The following ZW10 variants were observed in gnomAD, a reference collection of about 807,000 sequenced individuals.
ZW10 encodes the protein centromere/kinetochore protein zw10 homolog.
In ZW10, 53 loss-of-function variants were observed where a neutral mutation model predicts 87.8. The ratio of observed to expected loss-of-function variants is 0.60; its 90% CI spans 0.48 to 0.76. ZW10 has a LOEUF of 0.76. Among genes scored for constraint, ZW10 ranks in the 30% least tolerant of loss-of-function variants. ZW10 has a pLI of 0.00. For missense variants in ZW10, 837 were observed against 923.0 expected (o/e 0.91, Z 1.21); for synonymous variants, 312 against 329.2 (o/e 0.95, Z 0.57).
chr11:113,765,418 T>A (rs1251950481), intron 2 of ZW10, among the ~76,000 whole-genome samples: 1 of 152,222 alleles, frequency 6.6e-6, no homozygotes, highest in Admixed American at 6.5e-5. Context: ...CAATGGAATG[T>A]AAACAGAAGT....
At chr11:113,758,773 G>C in intron 5 of ZW10, 67 bp from the exon 6 acceptor site, 1 of 1,489,700 alleles carries the variant, frequency 6.7e-7, no homozygotes, top group Non-Finnish European at 9.3e-7. Context: ...CTATTCCTCA[G>C]AGCTCATTCT....
At chr11:113,744,531 A>C (rs1456543821) in intron 9 of ZW10, among the ~76,000 whole-genome samples, 1 of 152,220 alleles carries the variant, frequency 6.6e-6, no homozygotes, top group South Asian at 2.1e-4. Flanking sequence ...GCTGAATCCT[A>C]GATGAAAGCA....
intron 1 of ZW10, among the ~76,000 whole-genome samples, chr11:113,770,170 C>A (rs1591425483): frequency 6.9e-6 from 1 of 145,970 alleles, no homozygotes; most frequent in East Asian, 2.0e-4. Flanking sequence ...CTCACTGCAA[C>A]CTCCACCTCC....
intron 4 of ZW10, 46 bp downstream of exon 4, chr11:113,760,467 C>G: frequency 1.2e-6 from 2 of 1,604,184 alleles, no homozygotes; most frequent in Non-Finnish European, 1.7e-6. Flanking sequence ...TTACTGAAAA[C>G]AAGAAGAGCA....
chr11:113,747,592 C>T lies in ZW10; in HGVS notation c.1211G>A (p.Cys404Tyr). The T allele has an allele frequency of 1.2e-6, 2 of 1,613,736 alleles. No homozygotes were observed. The highest frequency in any genetic ancestry group is 1.7e-6 in the Non-Finnish European group (2 of 1,179,764). Residue 404 changes from cysteine (C) to tyrosine (Y), a missense_variant, in exon 9 of 16, where the codon TGC becomes TAC. By Grantham distance (194) the Cys-to-Tyr change is radical. Coordinates refer to ENST00000200135, the MANE Select transcript of ZW10 (RefSeq NM_004724.4). ...NINSHFANKK[C>Y]QDVIVAARNL... ...TCTGGCTGCCACAATCACATCCTGGCACTTTTTGTTTGCAAAATGAGAATT... is the reference window on the plus strand; with the variant it reads ...TCTGGCTGCCACAATCACATCCTGGTACTTTTTGTTTGCAAAATGAGAATT...
chr11:113,758,360 AG>A (rs1565286046), intron 6 of ZW10, among the ~76,000 whole-genome samples, 193 bp downstream of exon 6: 1 of 114,056 alleles, frequency 8.8e-6, no homozygotes, highest in Non-Finnish European at 1.8e-5. Flanking sequence ...AAAAAAAAAT[AG>A]GAACAGTTGA....
At chr11:113,765,457 T>C (rs1318473711) in intron 2 of ZW10, among the ~76,000 whole-genome samples, 1 of 152,214 alleles carries the variant, frequency 6.6e-6, no homozygotes, top group Non-Finnish European at 1.5e-5. Context: ...CTCTGAGTCT[T>C]AAGAAAATAG....
chr11:113,753,502 T>C (rs1953754177), intron 7 of ZW10, among the ~76,000 whole-genome samples: 1 of 152,078 alleles, frequency 6.6e-6, no homozygotes, highest in Admixed American at 6.6e-5. Flanking sequence ...ACCTCCTGGG[T>C]CCAAGCAATT....
At chr11:113,770,479 A>T (rs1953952665) in intron 1 of ZW10, 2 of 151,492 alleles carry the variant, frequency 1.3e-5, no homozygotes, top group Non-Finnish European at 2.9e-5. Flanking sequence ...TATGAGATGC[A>T]TATGGCTTGT....
At chr11:113,757,182 T>C (rs2457376) in intron 7 of ZW10, among the ~76,000 whole-genome samples, 134,961 of 152,132 alleles carry the variant, frequency 0.89, 60,496 homozygotes, top group East Asian at 0.95. Flanking sequence ...ACATGATTTA[T>C]GGAATACAGA....
intron 1 of ZW10, 23 bp downstream of exon 1, chr11:113,773,539 G>A (rs2136445): frequency 0.062 from 98,756 of 1,603,212 alleles, 3,299 homozygotes; most frequent in African/African-American, 0.11. Flanking sequence ...CTTCCAGTCA[G>A]CAGACAGCTG....
chr11:113,759,055 G>A (rs1170337467), intron 5 of ZW10, among the ~76,000 whole-genome samples: 1 of 152,132 alleles, frequency 6.6e-6, no homozygotes, highest in Non-Finnish European at 1.5e-5. Flanking sequence ...CGCACCTGTG[G>A]TCACAGCTAC....
chr11:113,769,101 C>T, intron 1 of ZW10, 134 bp from the exon 2 acceptor site: 2 of 811,464 alleles, frequency 2.5e-6, no homozygotes, highest in South Asian at 1.8e-5. Flanking sequence ...ATTCACTTTC[C>T]CTCCAAGCCA....
At chr11:113,757,539 ATTTAC>A (rs1953803557) in intron 7 of ZW10, 118 bp downstream of exon 7, 2 of 801,652 alleles carry the variant, frequency 2.5e-6, no homozygotes, top group Non-Finnish European at 3.5e-6. Flanking sequence ...CTATGGCACA[ATTTAC>A]TTACTTTTCA....
intron 13 of ZW10, among the ~76,000 whole-genome samples, chr11:113,737,905 T>C (rs1387854131): frequency 6.6e-6 from 1 of 152,188 alleles, no homozygotes; most frequent in African/African-American, 2.4e-5. Context: ...AACCTGAGGA[T>C]AGGAAAACTG....
At position 113,743,971 on chromosome 11, in the gene ZW10, G is replaced by C; in HGVS notation, c.1342C>G (p.Gln448Glu). ...TPDEDNKLEV[Q>E]KVSNTQYHEV... ...TGGTACTGAGTATTGGATACTTTCT[G>C]TACTTCCAGTTTGTTATCCTCATCA... The change falls in exon 10 of 16, where the codon CAG becomes GAG. Residue 448 changes from glutamine to glutamate, a missense_variant. Physicochemically the swap from Gln to Glu is conservative, Grantham distance 29. Coordinates refer to ENST00000200135, the MANE Select transcript of ZW10 (RefSeq NM_004724.4). 1 of 1,614,176 alleles carries C rather than the reference G, an allele frequency of 6.2e-7. No homozygotes were observed.
At chr11:113,748,988 G>A (rs1298036442) in intron 7 of ZW10, among the ~76,000 whole-genome samples, 2 of 152,126 alleles carry the variant, frequency 1.3e-5, no homozygotes, top group Admixed American at 6.6e-5. Context: ...AATGTAGAAG[G>A]AAGAGGACTC....
intron 2 of ZW10, among the ~76,000 whole-genome samples, chr11:113,762,384 C>G (rs1953870047): frequency 6.6e-6 from 1 of 152,054 alleles, no homozygotes; most frequent in Non-Finnish European, 1.5e-5. Context: ...AATGTGAAGG[C>G]CTAGGACATT....
chr11:113,738,419 A>C (rs752238054), intron 12 of ZW10, 25 bp from the exon 13 acceptor site: 8 of 1,603,600 alleles, frequency 5.0e-6, no homozygotes, highest in Middle Eastern at 1.7e-4. Flanking sequence ...CAGAATAAAA[A>C]ATTTTAAAAG....
Sources: gnomAD v4.1 joint callset for allele counts (sites outside exome capture counted in the v4.1 genomes callset) on GRCh38, gnomAD v4.1.1 for gene constraint, MANE v1.5 for transcripts, NCBI Gene and HGNC (gene_info 2026-07-23, HGNC 2026-07-21) for gene names.